ANO6: variants seen among roughly 807,000 people sequenced by gnomAD.
ANO6 encodes the protein anoctamin-6.
A neutral mutation model predicts 117.5 loss-of-function variants in ANO6; 106 were observed. The observed-to-expected ratio is 0.90, with a 90% CI of 0.77 to 1.06. The LOEUF is 1.06. ANO6 is among the 50% of genes least tolerant of loss of function. The probability of loss-of-function intolerance (pLI) is 0.00; values close to 1 mark genes in which losing one functional copy is unlikely to be tolerated. For missense variants in ANO6, 955 were observed against 1,121.1 expected (o/e 0.85, Z 2.12); for synonymous variants, 367 against 385.1 (o/e 0.95, Z 0.55).
At chr12:45,357,773 C>T (rs1268617330) in intron 8 of ANO6, among the ~76,000 whole-genome samples, 1 of 152,298 alleles carries the variant, frequency 6.6e-6, no homozygotes. Context: ...GAGCCAAAAG[C>T]AGCTCTGATT....
At chr12:45,426,777 C>T (rs1943514199) in intron 19 of ANO6, among the ~76,000 whole-genome samples, 1 of 152,044 alleles carries the variant, frequency 6.6e-6, no homozygotes, top group African/African-American at 2.4e-5. Context: ...TGGGACTCAT[C>T]CCTTGGTTGT....
intron 1 of ANO6, among the ~76,000 whole-genome samples, chr12:45,286,857 A>C (rs1007716321): frequency 2.0e-5 from 3 of 152,180 alleles, no homozygotes; most frequent in Non-Finnish European, 4.4e-5. Context: ...GCAGACACTG[A>C]GGGGGATAGG....
intron 3 of ANO6, among the ~76,000 whole-genome samples, chr12:45,341,410 T>C (rs1592988367): frequency 6.6e-6 from 1 of 152,304 alleles, no homozygotes; most frequent in Non-Finnish European, 1.5e-5. Context: ...AAATAAATAA[T>C]GGTACATCTC....
intron 1 of ANO6, among the ~76,000 whole-genome samples, chr12:45,243,383 T>C (rs1184997036): frequency 6.6e-6 from 1 of 152,182 alleles, no homozygotes; most frequent in East Asian, 1.9e-4. Context: ...ACTTAGGAGC[T>C]ACCTTGGCCA....
At chr12:45,265,831 C>A (rs1014992172) in intron 1 of ANO6, among the ~76,000 whole-genome samples, 1 of 152,194 alleles carries the variant, frequency 6.6e-6, no homozygotes, top group Admixed American at 6.5e-5. Context: ...TACAAAAATC[C>A]TGCAGTATAG....
At chr12:45,250,411 G>A (rs1947884072) in intron 1 of ANO6, among the ~76,000 whole-genome samples, 1 of 151,982 alleles carries the variant, frequency 6.6e-6, no homozygotes, top group Non-Finnish European at 1.5e-5. Context: ...TTTATTTATC[G>A]AGATGGGGTC....
intron 1 of ANO6, among the ~76,000 whole-genome samples, chr12:45,225,400 T>C: frequency 6.6e-6 from 1 of 152,342 alleles, no homozygotes; most frequent in East Asian, 1.9e-4. Context: ...GGGGAGAAGA[T>C]TTCTTATTCA....
Position 45,390,474 on chromosome 12 carries a change from C to G in ANO6, c.1362C>G (p.Leu454=). The change falls in exon 12 of 20, where the codon CTC becomes CTG. Residue 454 remains leucine (L), a synonymous_variant. Coordinates refer to ENST00000320560, the MANE Select transcript of ANO6 (RefSeq NM_001025356.3). ...TAWGKCIRIT[L]CASAVFFWIL... The stretch of plus-strand genomic sequence containing the variant: ...GGGGAAAATGTATACGGATAACCCT[C>G]TGTGCCAGTGCTGTCTTTTTCTGGG... The G allele has an allele frequency of 2.5e-6, 4 of 1,613,856 alleles. No individual in the cohort carries two copies. The highest frequency in any genetic ancestry group is 3.4e-6 in the Non-Finnish European group (4 of 1,179,874).
rs1003574725 is a variant in ANO6 at position 45,431,712 on chromosome 12, G to GCAGA, written c.*2404_*2407dup. The stretch of plus-strand genomic sequence containing the variant: ...TAAAGAAAAGCATGGAGCTGTGTCT[G>GCAGA]CAGACAATGGTGGCTGCATCTGTAA... On this transcript the variant is annotated 3_prime_UTR_variant, in exon 20 of 20. Coordinates refer to ENST00000320560, the MANE Select transcript of ANO6 (RefSeq NM_001025356.3). 7.1e-6 allele frequency: 7 copies of GCAGA among 985,340 alleles called. No homozygotes were observed. In the African/African-American group the frequency reaches 1.2e-4, roughly 17 times the overall value. 61.0% of individuals were successfully genotyped at this position (985,340 alleles called of 1,614,324 possible).
downstream of ANO6, among the ~76,000 whole-genome samples, chr12:45,435,700 A>G (rs1428118300): frequency 1.8e-5 from 2 of 108,790 alleles, no homozygotes; most frequent in Non-Finnish European, 4.1e-5. Flanking sequence ...TTAGAGTACA[A>G]CACAAACTCA....
At chr12:45,422,068 C>T (rs1253493488) in intron 18 of ANO6, among the ~76,000 whole-genome samples, 1 of 152,196 alleles carries the variant, frequency 6.6e-6, no homozygotes, top group Admixed American at 6.5e-5. Flanking sequence ...AGCCTCTTTA[C>T]AATTCTGCAT....
intron 1 of ANO6, among the ~76,000 whole-genome samples, chr12:45,218,539 C>T (rs1947350950): frequency 6.6e-6 from 1 of 151,892 alleles, no homozygotes; most frequent in Non-Finnish European, 1.5e-5. Flanking sequence ...GGACTTTAGG[C>T]ACCACCATAT....
rs77746150 is a variant in ANO6 at position 45,256,183 on chromosome 12, A to G, written c.70+39792A>G. Among the ~76,000 whole-genome samples the G allele has an allele frequency of 2.7e-3, 409 of 152,206 alleles. 1 individual carries two copies. The highest frequency in any genetic ancestry group is 4.8e-3 in the Non-Finnish European group (328 of 68,016). On this transcript the variant is annotated intron_variant, in intron 1 of 19. Transcript: ENST00000320560. Reference sequence around the variant, plus strand: ...TTATGATCAGGATGCTATAACATTGAACATGCCCATGTGTATACACAACAC... The same window carrying G: ...TTATGATCAGGATGCTATAACATTGGACATGCCCATGTGTATACACAACAC...
chr12:45,231,263 T>C (rs143675185), intron 1 of ANO6, among the ~76,000 whole-genome samples: 1 of 152,350 alleles, frequency 6.6e-6, no homozygotes, highest in Non-Finnish European at 1.5e-5. Context: ...CCCTGGTAGT[T>C]TGAGTCATTT....
At chr12:45,241,604 A>G (rs547714597) in intron 1 of ANO6, among the ~76,000 whole-genome samples, 1 of 152,214 alleles carries the variant, frequency 6.6e-6, no homozygotes, top group African/African-American at 2.4e-5. Flanking sequence ...CTGGTGAGGA[A>G]CTGCGATCTT....
intron 9 of ANO6, among the ~76,000 whole-genome samples, chr12:45,372,954 A>G (rs1358893562): frequency 6.6e-6 from 1 of 152,232 alleles, no homozygotes; most frequent in Non-Finnish European, 1.5e-5. Flanking sequence ...AGTGTGCTGT[A>G]TTCAGGAAAC....
chr12:45,256,999 A>G (rs568918447), intron 1 of ANO6, among the ~76,000 whole-genome samples: 5 of 152,164 alleles, frequency 3.3e-5, no homozygotes, highest in African/African-American at 9.6e-5. Flanking sequence ...ATGGACTTTT[A>G]ATGTGATTTT....
chr12:45,235,247 C>T (rs1189384881), intron 1 of ANO6, among the ~76,000 whole-genome samples: 1 of 152,210 alleles, frequency 6.6e-6, no homozygotes, highest in Non-Finnish European at 1.5e-5. Flanking sequence ...CTGTACTTTT[C>T]TGTTCCCTTC....
intron 9 of ANO6, among the ~76,000 whole-genome samples, chr12:45,375,509 A>G (rs1175541408): frequency 1.3e-5 from 2 of 152,340 alleles, no homozygotes; most frequent in Non-Finnish European, 2.9e-5. Context: ...AAACAGAGAT[A>G]TAGATCAATG....
Sources: allele counts gnomAD v4.1 joint callset (sites outside exome capture counted in the v4.1 genomes callset), GRCh38; gene constraint gnomAD v4.1.1; transcripts MANE v1.5; gene names NCBI Gene and HGNC (gene_info 2026-07-23, HGNC 2026-07-21).